The following SAGE1 variants were observed in gnomAD, a reference collection of about 807,000 sequenced individuals.
SAGE1 encodes the protein cancer/testis antigen 14.
SAGE1 carries 55 observed loss-of-function variants against 55.4 expected under a neutral mutation model. The ratio of observed to expected loss-of-function variants is 0.99; its 90% CI spans 0.80 to 1.24. The LOEUF (loss-of-function observed/expected upper bound fraction) is 1.24. Among genes scored for constraint, SAGE1 ranks in the 50% most tolerant of loss-of-function variants. The pLI is 0.00. For missense variants in SAGE1, 710 were observed against 704.4 expected, an observed-to-expected ratio of 1.01 and a Z score of -0.09; for synonymous variants, 240 against 244.3, an observed-to-expected ratio of 0.98 and a Z score of 0.17.
At chrX:135,904,765 T>G (rs1556599269) in intron 4 of SAGE1, among the ~76,000 whole-genome samples, 196 bp downstream of exon 4, 1 of 111,133 alleles carries the variant, frequency 9.0e-6, no homozygotes, top group East Asian at 2.8e-4. Context: ...TCCCCTGCTT[T>G]TTTAGATAAT....
chrX:135,909,603 T>C, intron 13 of SAGE1, 36 bp from the exon 14 acceptor site: 2 of 1,165,210 alleles, frequency 1.7e-6, no homozygotes, highest in Non-Finnish European at 2.3e-6. Flanking sequence ...CATAATGCAC[T>C]TACGTCACAA....
intron 11 of SAGE1, 36 bp downstream of exon 11, chrX:135,908,265 T>G (rs782400144): frequency 8.7e-7 from 1 of 1,152,991 alleles, no homozygotes; most frequent in Non-Finnish European, 1.2e-6. Context: ...TCCTACTTGG[T>G]TTCCATATGA....
intron 3 of SAGE1, among the ~76,000 whole-genome samples, chrX:135,902,313 A>C (rs782660244): frequency 8.9e-6 from 1 of 111,815 alleles, no homozygotes; most frequent in African/African-American, 3.2e-5. Context: ...TTGCTCCTGA[A>C]ATCCAGACTC....
At position 135,907,336 on chromosome X, in the gene SAGE1, T is replaced by C; in HGVS notation, c.901T>C (p.Cys301Arg). The C allele has an allele frequency of 8.3e-7, 1 of 1,209,186 alleles. No individual in the cohort carries two copies. The highest frequency in any genetic ancestry group is 1.1e-6 in the Non-Finnish European group (1 of 893,956). ...AGATTCCACCGTCCCTCACAATGTC[T>C]GTGAAGAGAAGATGGAAAATGACCA... ...GLYSTVPHNV[C>R]EEKMENDQPQ... The change falls in exon 9 of 20, where the codon TGT becomes CGT. Residue 301 changes from cysteine to arginine, a missense_variant. Transcript: ENST00000370709.
At chrX:135,894,879 T>C (rs781958457) in intron 1 of SAGE1, among the ~76,000 whole-genome samples, 1 of 111,488 alleles carries the variant, frequency 9.0e-6, no homozygotes, top group South Asian at 3.8e-4. Context: ...GGGCTTTTAC[T>C]GATTTTGAAA....
In SAGE1 at chrX:135,906,948, C is replaced by A; in HGVS notation, c.759C>A (p.Val253=). The A allele has an allele frequency of 8.3e-7, 1 of 1,209,866 alleles. No homozygotes were observed. The highest frequency in any genetic ancestry group is 1.1e-6 in the Non-Finnish European group (1 of 894,342). ...RDPYATITYN[V]PEEKMEKGQP... ...CAGATGCTACCATCACTTACAATGT[C>A]CCTGAGGAGAAGATGGAAAAGGGCC... The change falls in exon 8 of 20, where the codon GTC becomes GTA. Residue 253 remains valine, a synonymous_variant. Coordinates refer to ENST00000370709, the MANE Select transcript of SAGE1 (RefSeq NM_001381902.1).
rs1360905303 is a variant in SAGE1 at position 135,901,491 on chromosome X, T to C, written c.88-68T>C. 3.7e-6 allele frequency: 4 copies of C among 1,074,653 alleles called. No homozygotes were observed. The East Asian group carries it at 9.1e-5, about 24-fold the overall frequency. 88.6% of individuals were successfully genotyped at this position (1,074,653 alleles called of 1,213,427 possible). A position where few individuals can be genotyped will look rare whatever the true frequency, so the allele number is the denominator to read the frequency against. On this transcript the variant is annotated intron_variant, in intron 2 of 19. Coordinates refer to ENST00000370709, the MANE Select transcript of SAGE1 (RefSeq NM_001381902.1). ...ATATAAATGCATGGCTGTGTATGCA[T>C]ATGAAGACTGTGACTTTGCAGTGGT... is the stretch of plus-strand genomic sequence containing the variant.
chrX:135,896,219 G>A (rs200986627), intron 1 of SAGE1, 24 bp from the exon 2 acceptor site: 77 of 1,099,659 alleles, frequency 7.0e-5, no homozygotes, highest in Admixed American at 4.6e-4. Context: ...AACACACATA[G>A]TTAATTATGA....
Position 135,910,395 on chromosome X carries a change from A to G in SAGE1, c.1865-20A>G, listed in dbSNP as rs5975631. 4.5e-3 allele frequency: 5,387 copies of G among 1,206,721 alleles called. 131 individuals are homozygous for G. In the African/African-American group the frequency reaches 0.078, roughly 17 times the overall value. On this transcript the variant is annotated intron_variant, in intron 15 of 19. Coordinates refer to ENST00000370709, the MANE Select transcript of SAGE1 (RefSeq NM_001381902.1). The stretch of plus-strand genomic sequence containing the variant: ...ACATAATGCACTTACCTCACGCCCA[A>G]CCTCTTCTTTTGTTTCCAGATGCTG...
chrX:135,907,017 T>C lies in SAGE1; in HGVS notation c.828T>C (p.Leu276=). ...DNILSTASTG[L]INVAGAGTPA... is the part of the protein sequence containing the mutation. ...TCTTGTCAACTGCTTCAACAGGGCTTATTAATGTGGCAGGAGCTGGTACTC... is the reference window on the plus strand; with the variant it reads ...TCTTGTCAACTGCTTCAACAGGGCTCATTAATGTGGCAGGAGCTGGTACTC... The change falls in exon 8 of 20, where the codon CTT becomes CTC. Residue 276 remains leucine (L), a synonymous_variant. Coordinates refer to ENST00000370709, the MANE Select transcript of SAGE1 (RefSeq NM_001381902.1). 1.7e-6 allele frequency: 2 copies of C among 1,210,860 alleles called. No individual in the cohort carries two copies. Among genetic ancestry groups the C allele is most frequent in the Non-Finnish European group, 2.2e-6 (2 of 894,633 alleles).
At chrX:135,906,696 G>T (rs2088799112) in intron 7 of SAGE1, 145 bp downstream of exon 7, 2 of 637,702 alleles carry the variant, frequency 3.1e-6, no homozygotes, top group Non-Finnish European at 4.9e-6. Context: ...TTGTTTATTT[G>T]TATTACTGTC....
intron 1 of SAGE1, 108 bp from the exon 2 acceptor site, chrX:135,896,135 G>C: frequency 1.9e-6 from 1 of 535,339 alleles, no homozygotes; most frequent in Admixed American, 2.5e-5. Context: ...CTCTCAAGAG[G>C]ATCATATATT....
chrX:135,906,512 A>C lies in SAGE1; in HGVS notation c.697A>C (p.Thr233Pro), dbSNP rs1556601328. The C allele has an allele frequency of 8.3e-7, 1 of 1,209,301 alleles. No individual in the cohort carries two copies. Among genetic ancestry groups the C allele is most frequent in the Non-Finnish European group, 1.1e-6 (1 of 894,361 alleles). Reference sequence around the variant, plus strand: ...TCTTCGACCACGGCGTATTAATATGACAGACACTGGTATTTCACCCATGAG... The same window carrying C: ...TCTTCGACCACGGCGTATTAATATGCCAGACACTGGTATTTCACCCATGAG... ...LTLRPRRINM[T>P]DTGISPMSTR... The change falls in exon 7 of 20, where the codon ACA (threonine) becomes CCA (proline). Residue 233 changes from threonine to proline, a missense_variant. Transcript: ENST00000370709.
Position 135,908,742 on chromosome X carries a change from C to T in SAGE1, c.1442-122C>T, listed in dbSNP as rs1390838006. On this transcript the variant is annotated intron_variant, in intron 12 of 19. Transcript: ENST00000370709. ...CTCAATTTGAGGGGCCTCAGATCATCATATGATGTATTATCCTGCTTTATG... is the reference window on the plus strand; with the variant it reads ...CTCAATTTGAGGGGCCTCAGATCATTATATGATGTATTATCCTGCTTTATG... The T allele has an allele frequency of 3.9e-6, 4 of 1,034,984 alleles. No homozygotes were observed. The African/African-American group carries it at 7.5e-5, about 19-fold the overall frequency. The allele number at this position is 1,034,984 out of a possible 1,213,427, so 85.3% of individuals were successfully genotyped here. A position where few individuals can be genotyped will look rare whatever the true frequency, so the allele number is the denominator to read the frequency against.
intron 2 of SAGE1, among the ~76,000 whole-genome samples, 164 bp from the exon 3 acceptor site, chrX:135,901,395 C>T (rs1473542264): frequency 1.8e-5 from 2 of 111,361 alleles, no homozygotes; most frequent in Non-Finnish European, 3.8e-5. Context: ...AATTAGCTTG[C>T]CTTTTCTGAG....
Position 135,910,455 on chromosome X carries a change from T to A in SAGE1, c.1905T>A (p.Asn635Lys), listed in dbSNP as rs782147844. ...ACAACATCCGTGAAGAGAAGATAAA[T>A]AACAGCCAACCAGCACCTGGTAACA... ...VTHNIREEKI[N>K]NSQPAPGNIL... The change falls in exon 16 of 20, where the codon AAT (asparagine) becomes AAA (lysine). Residue 635 changes from asparagine (N) to lysine (K), a missense_variant. By Grantham distance (94) the Asn-to-Lys change is moderately conservative (BLOSUM62 0). Transcript: ENST00000370709. The A allele has an allele frequency of 1.2e-4, 144 of 1,208,189 alleles. No individual in the cohort carries two copies. Among genetic ancestry groups the A allele is most frequent in the Non-Finnish European group, 1.6e-4 (143 of 894,017 alleles).
At chrX:135,904,450 A>G (rs782035525) in intron 3 of SAGE1, 27 bp from the exon 4 acceptor site, 23 of 1,082,842 alleles carry the variant, frequency 2.1e-5, no homozygotes, top group Admixed American at 4.5e-5. Flanking sequence ...CTTACCTCAC[A>G]GCTCAACCAC....
intron 16 of SAGE1, 148 bp from the exon 17 acceptor site, chrX:135,911,044 G>A (rs782744689): frequency 1.2e-4 from 70 of 564,195 alleles, no homozygotes; most frequent in Non-Finnish European, 1.7e-4. Flanking sequence ...ACTTTTGCTT[G>A]CCTCAATTTC....
In SAGE1 at chrX:135,901,667, T is replaced by A. The variant is rs1256291666; in HGVS notation, c.196T>A (p.Ser66Thr). 1.7e-6 allele frequency: 2 copies of A among 1,205,751 alleles called. No homozygotes were observed. The highest frequency in any genetic ancestry group is 3.0e-5 in the East Asian group (1 of 33,755). The change falls in exon 3 of 20, where the codon TCC becomes ACC. Residue 66 changes from serine (S) to threonine (T), a missense_variant. Ser to Thr is a moderately conservative substitution (Grantham distance 58, BLOSUM62 1). Coordinates refer to ENST00000370709, the MANE Select transcript of SAGE1 (RefSeq NM_001381902.1). ...HSSSKRRKSM[S>T]SWLDKQEDAA... is the part of the protein sequence containing the mutation. ...TTCATCTAAGAGAAGGAAGAGTATG[T>A]CCTCGTGGTTAGACAAACAGGAAGG...
Sources: gnomAD v4.1 joint callset for allele counts (sites outside exome capture counted in the v4.1 genomes callset) on GRCh38, gnomAD v4.1.1 for gene constraint, MANE v1.5 for transcripts, NCBI Gene and HGNC (gene_info 2026-07-23, HGNC 2026-07-21) for gene names.